SRRM4: variants seen among roughly 807,000 people sequenced by gnomAD.
SRRM4 encodes the protein serine/arginine repetitive matrix protein 4.
A neutral mutation model predicts 68.9 loss-of-function variants in SRRM4; 33 were observed. The observed-to-expected ratio is 0.48, with a 90% confidence interval of 0.36 to 0.64. The LOEUF is 0.64. SRRM4 is among the 30% of genes least tolerant of loss of function. SRRM4 has a pLI of 0.00. For synonymous variants in SRRM4, 318 were observed against 318.8 expected (o/e 1.00, Z 0.03); for missense variants, 817 against 827.1 (o/e 0.99, Z 0.15).
At chr12:118,985,431 G>A (rs777831431) in intron 1 of SRRM4, among the ~76,000 whole-genome samples, 2 of 151,988 alleles carry the variant, frequency 1.3e-5, no homozygotes, top group South Asian at 2.1e-4. Context: ...TTAATCCCAC[G>A]GTTTCATCAA....
At chr12:119,078,970 C>T (rs937388841) in intron 1 of SRRM4, among the ~76,000 whole-genome samples, 26 of 152,148 alleles carry the variant, frequency 1.7e-4, no homozygotes, top group African/African-American at 6.0e-4. Flanking sequence ...TAAAGCACAT[C>T]TTTAAGGACG....
intron 1 of SRRM4, among the ~76,000 whole-genome samples, chr12:119,051,986 G>A (rs1345195412): frequency 6.6e-6 from 1 of 152,204 alleles, no homozygotes; most frequent in Non-Finnish European, 1.5e-5. Context: ...CTGGATTTGA[G>A]CTAAATGACT....
chr12:119,033,791 CTA>C (rs1953608829), intron 1 of SRRM4, among the ~76,000 whole-genome samples: 1 of 151,992 alleles, frequency 6.6e-6, no homozygotes, highest in African/African-American at 2.4e-5. Context: ...GTATTTAACA[CTA>C]TGAATTTTCT....
intron 1 of SRRM4, among the ~76,000 whole-genome samples, chr12:119,089,620 G>A (rs1565905815): frequency 6.6e-6 from 1 of 152,196 alleles, no homozygotes; most frequent in African/African-American, 2.4e-5. Context: ...GAATGGAAAG[G>A]GTGGATTTGA....
chr12:119,160,289 G>GTCTCTCTCTCTCTCTC lies in SRRM4; in HGVS notation c.*3510_*3525dup, dbSNP rs55907957. 4 of 143,158 alleles carry GTCTCTCTCTCTCTCTC rather than the reference G, an allele frequency of 2.8e-5. No homozygotes were observed. The highest frequency in any genetic ancestry group is 2.1e-4 in the East Asian group (1 of 4,772). The allele number at this position is 143,158 out of a possible 1,614,324, so 8.9% of individuals were successfully genotyped here. On this transcript the variant is annotated 3_prime_UTR_variant, in exon 13 of 13. Transcript: ENST00000267260. ...TGTCTCTCTCTCTGTCTCTCTCTCTGTCTCTCTCTCTCTCTCTCTCTCTCT... is the reference window on the plus strand; with the variant it reads ...TGTCTCTCTCTCTGTCTCTCTCTCTGTCTCTCTCTCTCTCTCTCTCTCTCTCTCTCTCTCTCTCTCT...
In SRRM4 at chr12:119,158,072, T is replaced by G. The variant is rs1021825744; in HGVS notation, c.*1274T>G. 6 of 152,732 alleles carry G rather than the reference T, an allele frequency of 3.9e-5. No individual in the cohort carries two copies. The highest frequency in any genetic ancestry group is 3.1e-3 in the Middle Eastern group (1 of 318). 9.5% of individuals were successfully genotyped at this position (152,732 alleles called of 1,614,324 possible). ...ACCCCAAGTCCCCCCTGGCTGGGGCTGGGCAGAGAGGGTAAGCTGATCTCC... is the reference window on the plus strand; with the variant it reads ...ACCCCAAGTCCCCCCTGGCTGGGGCGGGGCAGAGAGGGTAAGCTGATCTCC... On this transcript the variant is annotated 3_prime_UTR_variant, in exon 13 of 13. Transcript: ENST00000267260.
chr12:119,160,242 A>G lies in SRRM4; in HGVS notation c.*3444A>G, dbSNP rs2136073073. The G allele has an allele frequency of 6.9e-6, 1 of 144,932 alleles. No homozygotes were observed. Among genetic ancestry groups the G allele is most frequent in the Middle Eastern group, 3.7e-3 (1 of 272 alleles). The allele number at this position is 144,932 out of a possible 1,614,324, so 9.0% of individuals were successfully genotyped here. The stretch of plus-strand genomic sequence containing the variant: ...GCTGCTTAAATGCCTGCTTCGGGGA[A>G]ATCTCTGCCTCTCTCTCTCTCTGTC... On this transcript the variant is annotated 3_prime_UTR_variant, in exon 13 of 13. Coordinates refer to ENST00000267260, the MANE Select transcript of SRRM4 (RefSeq NM_194286.4).
At chr12:119,145,765 C>T in intron 9 of SRRM4, 80 bp downstream of exon 9, 2 of 1,160,496 alleles carry the variant, frequency 1.7e-6, no homozygotes, top group Non-Finnish European at 2.3e-6. Context: ...CCAGCCTCCC[C>T]CACTCCACCC....
chr12:119,069,388 G>T (rs749834517), intron 1 of SRRM4, among the ~76,000 whole-genome samples: 1 of 152,166 alleles, frequency 6.6e-6, no homozygotes, highest in Non-Finnish European at 1.5e-5. Flanking sequence ...GAAGTAGCTC[G>T]ACCAGCATGG....
intron 9 of SRRM4, among the ~76,000 whole-genome samples, chr12:119,147,869 T>C (rs373854965): frequency 1.3e-4 from 20 of 152,344 alleles, no homozygotes; most frequent in South Asian, 6.2e-4. Flanking sequence ...GAGGTTACTG[T>C]CATCATAATA....
intron 1 of SRRM4, among the ~76,000 whole-genome samples, chr12:119,022,352 T>G (rs773936731): frequency 6.6e-6 from 1 of 152,188 alleles, no homozygotes; most frequent in South Asian, 2.1e-4. Flanking sequence ...GTCTAGATGC[T>G]AAGGATTCAG....
At chr12:119,122,760 G>A (rs1404769814) in intron 6 of SRRM4, among the ~76,000 whole-genome samples, 2 of 152,168 alleles carry the variant, frequency 1.3e-5, no homozygotes, top group Non-Finnish European at 2.9e-5. Flanking sequence ...TTGTGCACAG[G>A]GGTCGTATGG....
At chr12:119,049,373 A>T (rs1316464396) in intron 1 of SRRM4, among the ~76,000 whole-genome samples, 1 of 152,180 alleles carries the variant, frequency 6.6e-6, no homozygotes, top group African/African-American at 2.4e-5. Flanking sequence ...AATTTGAGAG[A>T]AGAGGAAAGT....
At position 119,151,080 on chromosome 12, in the gene SRRM4, A is replaced by G. The variant is rs1225717040; in HGVS notation, c.1140A>G (p.Thr380=). 1 of 1,613,842 alleles carries G rather than the reference A, an allele frequency of 6.2e-7. No homozygotes were observed. Among genetic ancestry groups the G allele is most frequent in the Non-Finnish European group, 8.5e-7 (1 of 1,179,894 alleles). ...EVKKSSLVPS[T]ARSSPMKGCS... ...AGAAGTCCAGTTTGGTCCCATCCAC[A>G]GCCCGGAGCTCACCCATGAAAGGGT... Residue 380 remains threonine, a synonymous_variant, in exon 10 of 13, where the codon ACA becomes ACG. Coordinates refer to ENST00000267260, the MANE Select transcript of SRRM4 (RefSeq NM_194286.4).
Position 119,145,479 on chromosome 12 carries a change from C to T in SRRM4, c.870C>T (p.Asp290=). The T allele has an allele frequency of 1.9e-6, 3 of 1,610,400 alleles. No individual in the cohort carries two copies. Among genetic ancestry groups the T allele is most frequent in the African/African-American group, 1.3e-5 (1 of 74,934 alleles). The change falls in exon 9 of 13, where the codon GAC becomes GAT. Residue 290 remains aspartate (D), a synonymous_variant. Transcript: ENST00000267260. ...CCCAGGAGTACGACTCAGGAAATGA[C>T]ACGTCCTCGCCACCCTCCACGCAAA... The part of the protein sequence containing the change: ...GRSQEYDSGN[D]TSSPPSTQTS...
chr12:119,090,290 A>G (rs979734703), intron 1 of SRRM4, among the ~76,000 whole-genome samples: 1 of 152,170 alleles, frequency 6.6e-6, no homozygotes, highest in African/African-American at 2.4e-5. Context: ...GATGGAATTC[A>G]CAAGAAAGAA....
intron 1 of SRRM4, among the ~76,000 whole-genome samples, chr12:119,033,742 G>T (rs1248581825): frequency 5.3e-5 from 8 of 150,994 alleles, no homozygotes; most frequent in African/African-American, 1.9e-4. Context: ...GATTTTTCTT[G>T]GTTTATTGAT....
At chr12:119,087,346 A>T (rs1270512824) in intron 1 of SRRM4, among the ~76,000 whole-genome samples, 1 of 152,216 alleles carries the variant, frequency 6.6e-6, no homozygotes, top group Non-Finnish European at 1.5e-5. Context: ...ATAGAGATAG[A>T]GGCAGGTGAA....
At chr12:119,092,463 T>TG (rs35463038) in intron 1 of SRRM4, among the ~76,000 whole-genome samples, 105,699 of 151,846 alleles carry the variant, frequency 0.7, 37,220 homozygotes, top group African/African-American at 0.78. Flanking sequence ...CTTCCCCATC[T>TG]CAGTTGTTCC....
Sources: gnomAD v4.1 joint callset for allele counts (sites outside exome capture counted in the v4.1 genomes callset) on GRCh38, gnomAD v4.1.1 for gene constraint, MANE v1.5 for transcripts, NCBI Gene and HGNC (gene_info 2026-07-23, HGNC 2026-07-21) for gene names.